Variants in TRPM3 observed in about 807,000 individuals in gnomAD.
TRPM3 encodes the protein transient receptor potential cation channel subfamily M member 3.
A neutral mutation model predicts 181.2 loss-of-function variants in TRPM3; 77 were observed. The observed-to-expected ratio is 0.42, with a 90% CI of 0.35 to 0.51. The LOEUF (loss-of-function observed/expected upper bound fraction) is 0.51. TRPM3 is among the 20% of genes least tolerant of loss of function. The pLI is 0.01. For missense variants in TRPM3, 1,759 were observed against 2,196.7 expected (o/e 0.80, Z 3.98); for synonymous variants, 745 against 796.4 (o/e 0.94, Z 1.09).
intron 8 of TRPM3, among the ~76,000 whole-genome samples, chr9:70,757,035 C>A (rs2077207646): frequency 6.6e-6 from 1 of 151,816 alleles, no homozygotes; most frequent in Non-Finnish European, 1.5e-5. Context: ...TCAAAAAAAT[C>A]AATGAATCCA....
At chr9:70,914,792 A>G (rs1344782829) in intron 1 of TRPM3, among the ~76,000 whole-genome samples, 3 of 152,210 alleles carry the variant, frequency 2.0e-5, no homozygotes, top group African/African-American at 4.8e-5. Flanking sequence ...GGAAGAGAAC[A>G]AGTGTCTCTG....
intron 1 of TRPM3, among the ~76,000 whole-genome samples, chr9:71,026,627 T>A (rs143006681): frequency 6.6e-6 from 1 of 152,224 alleles, no homozygotes; most frequent in East Asian, 1.9e-4. Flanking sequence ...TATCACCTCA[T>A]AGCCATTGCC....
chr9:70,967,520 T>G (rs2097197911), intron 1 of TRPM3, among the ~76,000 whole-genome samples: 1 of 152,128 alleles, frequency 6.6e-6, no homozygotes, highest in African/African-American at 2.4e-5. Context: ...TACAGATAGT[T>G]GCATAAAATA....
At chr9:70,859,287 G>T (rs1036313896) in intron 3 of TRPM3, among the ~76,000 whole-genome samples, 1 of 152,200 alleles carries the variant, frequency 6.6e-6, no homozygotes, top group African/African-American at 2.4e-5. Flanking sequence ...CCTCAGGAGG[G>T]CTGTCGAAGC....
chr9:71,123,381 C>A (rs77714675), upstream of TRPM3, among the ~76,000 whole-genome samples: 145 of 152,232 alleles, frequency 9.5e-4, 1 homozygote, highest in Non-Finnish European at 1.5e-3. Context: ...ATTTACGTAC[C>A]TTCTTTGTGT....
At chr9:71,263,318 CATTTA>C (rs1383673679) in intron 1 of TRPM3, among the ~76,000 whole-genome samples, 24 of 152,128 alleles carry the variant, frequency 1.6e-4, no homozygotes, top group African/African-American at 5.8e-4. Context: ...TATTTCTCTT[CATTTA>C]ATTTCACAAA....
intron 6 of TRPM3, among the ~76,000 whole-genome samples, chr9:70,784,531 G>C (rs1327206549): frequency 6.6e-6 from 1 of 152,080 alleles, no homozygotes; most frequent in Non-Finnish European, 1.5e-5. Context: ...GTGAAGGCAC[G>C]GGGTTCCATA....
rs1437360799 is a variant in TRPM3 at position 70,812,999 on chromosome 9, C to A, written c.973+14848G>T. Among the ~76,000 whole-genome samples the A allele has an allele frequency of 3.9e-5, 6 of 152,124 alleles. No individual in the cohort carries two copies. In the East Asian group the frequency reaches 1.2e-3, roughly 29 times the overall value. On this transcript the variant is annotated intron_variant, in intron 6 of 25. Coordinates refer to ENST00000677713, the MANE Select transcript of TRPM3 (RefSeq NM_001366145.2). ...AAAAAGTGAAACTAAGGTAGTGACA[C>A]AAGGCTGGGCAAAGAAGAGCAGACA...
At chr9:70,901,468 T>C (rs1378654625) in intron 1 of TRPM3, among the ~76,000 whole-genome samples, 1 of 152,086 alleles carries the variant, frequency 6.6e-6, no homozygotes, top group Non-Finnish European at 1.5e-5. Flanking sequence ...ACAAGGTAGG[T>C]TAAATGTAAC....
intron 1 of TRPM3, among the ~76,000 whole-genome samples, chr9:71,149,801 G>T (rs945096388): frequency 1.3e-5 from 2 of 151,618 alleles, no homozygotes; most frequent in African/African-American, 4.8e-5. Flanking sequence ...CCATCTCTAC[G>T]AAAAATACAA....
intron 1 of TRPM3, among the ~76,000 whole-genome samples, chr9:71,084,122 C>T (rs2064875607): frequency 6.6e-6 from 1 of 151,918 alleles, no homozygotes; most frequent in South Asian, 2.1e-4. Flanking sequence ...CTACAATGTG[C>T]TAATGTTGTG....
intron 5 of TRPM3, 37 bp downstream of exon 5, chr9:70,842,966 G>C (rs1194432461): frequency 6.2e-7 from 1 of 1,607,172 alleles, no homozygotes; most frequent in Non-Finnish European, 8.5e-7. Context: ...ATCCCCTCTA[G>C]GAGAAGTCAT....
chr9:70,700,981 C>T (rs1355512214), intron 8 of TRPM3, among the ~76,000 whole-genome samples: 3 of 152,210 alleles, frequency 2.0e-5, no homozygotes, highest in Admixed American at 6.5e-5. Context: ...GTTCAAATCA[C>T]ATTTACCACT....
rs2041693534 is a variant in TRPM3, at chr9:70,536,196, G to A, written c.4917C>T (p.Ile1639=). 1 of 1,614,108 alleles carries A rather than the reference G, an allele frequency of 6.2e-7. No homozygotes were observed. Among genetic ancestry groups the A allele is most frequent in the African/African-American group, 1.3e-5 (1 of 74,950 alleles). The change falls in exon 26 of 26, where the codon ATC becomes ATT. Residue 1639 remains isoleucine, a synonymous_variant. Coordinates refer to ENST00000677713, the MANE Select transcript of TRPM3 (RefSeq NM_001366145.2). ...DNSERTLSNN[I]TVPKIERANS... is the part of the protein sequence containing the mutation. The stretch of plus-strand genomic sequence containing the variant: ...TGGCGCGCTCTATCTTGGGAACAGT[G>A]ATGTTGTTGGACAGGGTTCTCTCTG...
At chr9:71,175,359 G>A (rs2077055081) in intron 1 of TRPM3, among the ~76,000 whole-genome samples, 2 of 152,190 alleles carry the variant, frequency 1.3e-5, no homozygotes, top group African/African-American at 4.8e-5. Flanking sequence ...GAGAGAACAA[G>A]AGCTGAGACA....
chr9:71,233,269 T>C (rs2081178926), intron 1 of TRPM3, among the ~76,000 whole-genome samples: 1 of 152,206 alleles, frequency 6.6e-6, no homozygotes, highest in African/African-American at 2.4e-5. Context: ...TGTTAAAGAC[T>C]CCATGCTTCA....
intron 1 of TRPM3, among the ~76,000 whole-genome samples, chr9:71,003,628 A>G (rs1266756228): frequency 2.0e-5 from 3 of 152,210 alleles, no homozygotes; most frequent in African/African-American, 4.8e-5. Flanking sequence ...ATTTTTACCA[A>G]TCTGATACAT....
rs116918683 is a variant in TRPM3 at position 71,103,885 on chromosome 9, T to C, written c.177+17293A>G. ...TTCATCAAAACCAAGCTCTGTGAAA[T>C]AATGGAGCAGATGATCTGACCCATG... On this transcript the variant is annotated intron_variant, in intron 1 of 25. Coordinates refer to ENST00000677713, the MANE Select transcript of TRPM3 (RefSeq NM_001366145.2). Among the ~76,000 whole-genome samples the C allele has an allele frequency of 2.0e-5, 3 of 152,072 alleles. No individual in the cohort carries two copies. The East Asian group carries it at 5.8e-4, about 29-fold the overall frequency.
intron 22 of TRPM3, among the ~76,000 whole-genome samples, chr9:70,590,415 C>T (rs2057918424): frequency 6.6e-6 from 1 of 152,180 alleles, no homozygotes; most frequent in Admixed American, 6.5e-5. Context: ...TTCTTTTTGG[C>T]ATTTATAGCA....
Sources: gnomAD v4.1 joint callset for allele counts (sites outside exome capture counted in the v4.1 genomes callset) on GRCh38, gnomAD v4.1.1 for gene constraint, MANE v1.5 for transcripts, NCBI Gene and HGNC (gene_info 2026-07-23, HGNC 2026-07-21) for gene names.